CEP128: variants seen among roughly 807,000 people sequenced by gnomAD.
The protein encoded by CEP128 is centrosomal protein 128kDa.
A neutral mutation model predicts 156.7 loss-of-function variants in CEP128; 132 were observed. That is an observed-to-expected ratio of 0.84 (90% confidence interval 0.73 to 0.97). CEP128 has a LOEUF of 0.97. Ranked by LOEUF, CEP128 falls within the 50% of genes least tolerant of loss-of-function variation. The probability of loss-of-function intolerance (pLI) is 0.00; values close to 1 mark genes in which losing one functional copy is unlikely to be tolerated. For missense variants in CEP128, 1,252 were observed against 1,281.9 expected (o/e 0.98, Z 0.36); for synonymous variants, 469 against 448.9 (o/e 1.04, Z -0.57).
intron 19 of CEP128, among the ~76,000 whole-genome samples, chr14:80,657,151 G>A (rs1180467974): frequency 6.6e-6 from 1 of 151,956 alleles, no homozygotes; most frequent in African/African-American, 2.4e-5. Context: ...CCAGCTACTT[G>A]GGAGGCTGAG....
intron 19 of CEP128, among the ~76,000 whole-genome samples, chr14:80,732,927 T>A (rs1898348323): frequency 6.9e-6 from 1 of 144,954 alleles, no homozygotes; most frequent in African/African-American, 2.6e-5. Context: ...AAAGGTGGTA[T>A]AAAGGTTAAT....
chr14:80,906,149 C>A, intron 4 of CEP128, 68 bp from the exon 5 acceptor site: 1 of 1,201,006 alleles, frequency 8.3e-7, no homozygotes, highest in Non-Finnish European at 1.1e-6. Context: ...AAATAGACCA[C>A]AGATTTTCAA....
At chr14:80,527,318 T>C (rs1889022064) in intron 22 of CEP128, 2 of 396,418 alleles carry the variant, frequency 5.0e-6, no homozygotes, top group Non-Finnish European at 1.0e-5. Flanking sequence ...TAGTCCCAGC[T>C]ACTCAGGAGG....
At chr14:80,559,091 A>T (rs564797754) in intron 21 of CEP128, among the ~76,000 whole-genome samples, 188 bp downstream of exon 21, 11 of 152,100 alleles carry the variant, frequency 7.2e-5, no homozygotes, top group African/African-American at 1.4e-4. Flanking sequence ...TTTTTATTTA[A>T]TTTTTTTTCA....
intron 9 of CEP128, among the ~76,000 whole-genome samples, chr14:80,842,149 A>G (rs1886376962): frequency 6.6e-6 from 1 of 152,010 alleles, no homozygotes; most frequent in Non-Finnish European, 1.5e-5. Context: ...TTATAGCTCT[A>G]CTTGCTGCCT....
At chr14:80,563,996 G>A (rs1177312438) in intron 20 of CEP128, among the ~76,000 whole-genome samples, 2 of 152,026 alleles carry the variant, frequency 1.3e-5, no homozygotes, top group South Asian at 2.1e-4. Flanking sequence ...CTATAACTAA[G>A]GGCTCTTATA....
intron 7 of CEP128, among the ~76,000 whole-genome samples, chr14:80,897,362 C>A (rs1349360287): frequency 6.6e-6 from 1 of 152,166 alleles, no homozygotes; most frequent in East Asian, 1.9e-4. Flanking sequence ...TGGTATTACC[C>A]ATTCCCATGG....
chr14:80,663,137 C>A (rs1301979298), intron 19 of CEP128, among the ~76,000 whole-genome samples: 1 of 152,122 alleles, frequency 6.6e-6, no homozygotes, highest in East Asian at 1.9e-4. Context: ...TCACTACAGG[C>A]CCCGGGCTGA....
intron 2 of CEP128, among the ~76,000 whole-genome samples, chr14:80,949,529 G>T (rs1426034173): frequency 6.6e-6 from 1 of 152,124 alleles, no homozygotes; most frequent in Non-Finnish European, 1.5e-5. Flanking sequence ...ACCAGGAACA[G>T]TGACTCCTCC....
chr14:80,887,924 C>T (rs139220121), intron 8 of CEP128, among the ~76,000 whole-genome samples: 160 of 152,142 alleles, frequency 1.1e-3, no homozygotes, highest in Middle Eastern at 0.01. Flanking sequence ...CAAATAGACA[C>T]AATAAGAAAT....
chr14:80,674,300 T>C (rs1895977250), intron 19 of CEP128, among the ~76,000 whole-genome samples: 2 of 152,140 alleles, frequency 1.3e-5, no homozygotes, highest in Admixed American at 1.3e-4. Context: ...ATAATGTTAA[T>C]ATAATAAATA....
chr14:80,643,709 C>CAAAAA (rs33912853), intron 19 of CEP128, among the ~76,000 whole-genome samples: 52,308 of 145,172 alleles, frequency 0.36, 10,650 homozygotes, highest in African/African-American at 0.58. Context: ...GACTCCATCT[C>CAAAAA]AAAAAAATCG....
chr14:80,952,041 A>C (rs982258273), intron 2 of CEP128, among the ~76,000 whole-genome samples: 9 of 152,128 alleles, frequency 5.9e-5, no homozygotes, highest in African/African-American at 1.9e-4. Context: ...GGGGGAAAAA[A>C]AACAAATCCC....
chr14:80,832,298 T>C (rs1377248566), intron 12 of CEP128, among the ~76,000 whole-genome samples: 1 of 151,982 alleles, frequency 6.6e-6, no homozygotes, highest in East Asian at 1.9e-4. Context: ...AGACAAAATA[T>C]AAAGTACTCT....
chr14:80,901,341 A>C (rs185360780), intron 6 of CEP128, among the ~76,000 whole-genome samples: 261 of 152,372 alleles, frequency 1.7e-3, no homozygotes, highest in Middle Eastern at 6.8e-3. Context: ...AAATAGTATG[A>C]TTTATAATAA....
At chr14:80,674,072 G>C (rs956166820) in intron 19 of CEP128, among the ~76,000 whole-genome samples, 15 of 148,294 alleles carry the variant, frequency 1.0e-4, no homozygotes, top group Admixed American at 3.4e-4. Flanking sequence ...ATAATTCATA[G>C]TTTTTTTTTT....
chr14:80,690,284 C>T (rs1337916322), intron 19 of CEP128, among the ~76,000 whole-genome samples: 1 of 149,154 alleles, frequency 6.7e-6, no homozygotes, highest in Non-Finnish European at 1.5e-5. Flanking sequence ...GGCATGGTGG[C>T]ACATGCCTGT....
chr14:80,561,967 G>A (rs983150308), intron 20 of CEP128, among the ~76,000 whole-genome samples: 4 of 147,598 alleles, frequency 2.7e-5, no homozygotes, highest in Non-Finnish European at 4.5e-5. Context: ...TCACTCTGTC[G>A]CCCAGGCTGG....
chr14:80,597,102 A>AG (rs1305995847), intron 19 of CEP128, among the ~76,000 whole-genome samples: 56 of 152,090 alleles, frequency 3.7e-4, no homozygotes, highest in African/African-American at 1.2e-3. Context: ...AGAGAACAAG[A>AG]GGGAAAAAAA....
Sources: allele counts gnomAD v4.1 joint callset (sites outside exome capture counted in the v4.1 genomes callset), GRCh38; gene constraint gnomAD v4.1.1; transcripts MANE v1.5; gene names NCBI Gene and HGNC (gene_info 2026-07-23, HGNC 2026-07-21).